FAM120B: variants seen among roughly 807,000 people sequenced by gnomAD.
FAM120B encodes family with sequence similarity 120 member B.
A neutral mutation model predicts 96.3 loss-of-function variants in FAM120B; 83 were observed. The observed-to-expected ratio is 0.86, with a 90% CI of 0.72 to 1.03. The LOEUF (loss-of-function observed/expected upper bound fraction) is 1.03, where lower values mean the gene tolerates loss of function less well. FAM120B is among the 50% of genes least tolerant of loss of function. FAM120B has a pLI of 0.00. For missense variants in FAM120B, 1,027 were observed against 1,121.2 expected (o/e 0.92, Z 1.20); for synonymous variants, 407 against 402.7 (o/e 1.01, Z -0.13).
intron 6 of FAM120B, among the ~76,000 whole-genome samples, chr6:170,387,579 G>T (rs1790258953): frequency 6.6e-6 from 1 of 152,180 alleles, no homozygotes; most frequent in African/African-American, 2.4e-5. Flanking sequence ...TCTTAGGATA[G>T]CTTCCCCGTT....
At chr6:170,374,444 C>G (rs909931837) in intron 6 of FAM120B, among the ~76,000 whole-genome samples, 7 of 152,174 alleles carry the variant, frequency 4.6e-5, no homozygotes, top group African/African-American at 1.7e-4. Flanking sequence ...TTACTCTGCC[C>G]GAGACGAGAT....
intron 6 of FAM120B, among the ~76,000 whole-genome samples, chr6:170,361,217 T>C (rs796919518): frequency 0.014 from 1,218 of 88,634 alleles, 65 homozygotes; most frequent in African/African-American, 0.061. Context: ...TATATATATA[T>C]ATATATATAT....
intron 1 of FAM120B, among the ~76,000 whole-genome samples, chr6:170,307,374 A>G (rs1486625605): frequency 2.6e-5 from 4 of 152,184 alleles, no homozygotes. Flanking sequence ...CCCTGCCAGC[A>G]AGGAGTTTGC....
intron 6 of FAM120B, among the ~76,000 whole-genome samples, chr6:170,372,811 A>ACTT (rs60870428): frequency 0.011 from 1,748 of 152,318 alleles, 23 homozygotes; most frequent in African/African-American, 0.036. Flanking sequence ...CAATCGGAAG[A>ACTT]CTTCTAGTGA....
intron 5 of FAM120B, among the ~76,000 whole-genome samples, chr6:170,349,574 C>G (rs774580736): frequency 1.3e-5 from 2 of 152,162 alleles, no homozygotes; most frequent in Non-Finnish European, 2.9e-5. Flanking sequence ...TTATTGGTTT[C>G]ACATGCACCA....
In FAM120B at chr6:170,317,414, AT is replaced by A; in HGVS notation, c.27del (p.Phe9LeufsTer12). 6.2e-6 allele frequency: 10 copies of A among 1,611,394 alleles called. No individual in the cohort carries two copies. The highest frequency in any genetic ancestry group is 8.5e-6 in the Non-Finnish European group (10 of 1,177,670). MGVRGLQG[F>X]VGSTCPHICT... ...TTATGGGTGTGAGAGGTTTGCAAGG[AT>A]TTGTGGGAAGTACCTGCCCACATAT... is the stretch of plus-strand genomic sequence containing the variant. On this transcript the variant is annotated frameshift_variant, in exon 2 of 11. Coordinates refer to ENST00000476287, the MANE Select transcript of FAM120B (RefSeq NM_032448.3). LOFTEE classifies it high-confidence loss of function.
intron 6 of FAM120B, among the ~76,000 whole-genome samples, chr6:170,373,770 G>A (rs1323759967): frequency 3.3e-5 from 5 of 152,174 alleles, no homozygotes; most frequent in Admixed American, 2.6e-4. Context: ...TATATTATCT[G>A]GGAAATAAGA....
chr6:170,384,891 T>C (rs1479844926), intron 6 of FAM120B, among the ~76,000 whole-genome samples: 1 of 152,250 alleles, frequency 6.6e-6, no homozygotes, highest in Non-Finnish European at 1.5e-5. Flanking sequence ...AGGAAGTCTA[T>C]GGAGCTTTAA....
chr6:170,369,337 A>T (rs1789025785), intron 6 of FAM120B, among the ~76,000 whole-genome samples: 1 of 152,180 alleles, frequency 6.6e-6, no homozygotes, highest in Non-Finnish European at 1.5e-5. Context: ...GATGCCTGGA[A>T]CCAGCTGTGC....
At chr6:170,352,532 AAC>A (rs1450992119) in intron 5 of FAM120B, among the ~76,000 whole-genome samples, 1 of 152,210 alleles carries the variant, frequency 6.6e-6, no homozygotes, top group Non-Finnish European at 1.5e-5. Context: ...TCGGAAGTAA[AAC>A]ACATCTCAGC....
chr6:170,304,355 G>C (rs575277208), upstream of FAM120B, among the ~76,000 whole-genome samples: 11 of 152,274 alleles, frequency 7.2e-5, no homozygotes, highest in African/African-American at 2.4e-4. Flanking sequence ...AAACTCTGAA[G>C]ATCTTTTCTT....
chr6:170,398,100 G>A (rs971224122), intron 9 of FAM120B, among the ~76,000 whole-genome samples: 2 of 152,258 alleles, frequency 1.3e-5, no homozygotes, highest in Non-Finnish European at 2.9e-5. Flanking sequence ...GCAGACAGGT[G>A]TGCCTGCCTG....
chr6:170,366,117 T>C (rs2115227114), intron 6 of FAM120B, among the ~76,000 whole-genome samples: 1 of 152,326 alleles, frequency 6.6e-6, no homozygotes, highest in Non-Finnish European at 1.5e-5. Context: ...AGTGGCATGT[T>C]GCACATCCAG....
chr6:170,398,847 C>G (rs1778366287), intron 9 of FAM120B, among the ~76,000 whole-genome samples: 1 of 151,464 alleles, frequency 6.6e-6, no homozygotes, highest in Non-Finnish European at 1.5e-5. Flanking sequence ...TATGTCATAA[C>G]TCTTAGAAGT....
chr6:170,339,817 C>A (rs1193735596), intron 4 of FAM120B, among the ~76,000 whole-genome samples: 1 of 152,036 alleles, frequency 6.6e-6, no homozygotes, highest in Non-Finnish European at 1.5e-5. Flanking sequence ...ACATTGGCCC[C>A]CCACTCTTTT....
upstream of FAM120B, among the ~76,000 whole-genome samples, chr6:170,294,184 G>A (rs73790663): frequency 1.6e-4 from 24 of 152,260 alleles, no homozygotes; most frequent in African/African-American, 5.1e-4. This position sits in a 1 kb window ranked among gnomAD's most constrained non-coding sequence, Gnocchi z 7.9. Flanking sequence ...TGTTGGCCCC[G>A]GCTGCCGGAG....
At chr6:170,373,014 A>C (rs989409059) in intron 6 of FAM120B, among the ~76,000 whole-genome samples, 1 of 152,258 alleles carries the variant, frequency 6.6e-6, no homozygotes, top group Non-Finnish European at 1.5e-5. Context: ...AGTTTTGTTC[A>C]TACAAGTATC....
upstream of FAM120B, among the ~76,000 whole-genome samples, chr6:170,304,898 G>T (rs1341822352): frequency 6.6e-6 from 1 of 152,174 alleles, no homozygotes; most frequent in African/African-American, 2.4e-5. Context: ...ACCATAGACT[G>T]GGTTTAGAAA....
At chr6:170,296,714 AC>A (rs1211979599) in intron 1 of FAM120B, among the ~76,000 whole-genome samples, 43 of 151,682 alleles carry the variant, frequency 2.8e-4, no homozygotes, top group Non-Finnish European at 3.1e-4. Context: ...GCCCGCCGAG[AC>A]CCCGGATCCC....
Sources: allele counts gnomAD v4.1 joint callset (sites outside exome capture counted in the v4.1 genomes callset), GRCh38; gene constraint gnomAD v4.1.1; non-coding constraint Gnocchi (gnomAD v3.1); transcripts MANE v1.5; gene names NCBI Gene and HGNC (gene_info 2026-07-23, HGNC 2026-07-21).